Variants in FRMPD2 observed in about 807,000 individuals in gnomAD.
The protein encoded by FRMPD2 is FERM and PDZ domain-containing protein 2.
In FRMPD2, 96 loss-of-function variants were observed where a neutral mutation model predicts 140.1. The ratio of observed to expected loss-of-function variants is 0.69; its 90% CI spans 0.58 to 0.81. The LOEUF is 0.81. Ranked by LOEUF, FRMPD2 falls within the 40% of genes least tolerant of loss-of-function variation. The pLI, the probability that FRMPD2 is intolerant of heterozygous loss-of-function variation, is 0.00. For missense variants in FRMPD2, 1,240 were observed against 1,447.4 expected (o/e 0.86, Z 2.32); for synonymous variants, 449 against 547.6 (o/e 0.82, Z 2.52).
At chr10:48,273,472 A>G (rs1417471588) in intron 1 of FRMPD2, among the ~76,000 whole-genome samples, 4 of 152,114 alleles carry the variant, frequency 2.6e-5, no homozygotes, top group Admixed American at 2.6e-4. Context: ...TTCCCAGAGC[A>G]TGCTTTACTT....
chr10:48,181,849 A>G (rs963568100), intron 20 of FRMPD2, among the ~76,000 whole-genome samples: 2 of 102,336 alleles, frequency 2.0e-5, no homozygotes, highest in African/African-American at 4.2e-5. Flanking sequence ...GAAAGAATAT[A>G]TATTCCCTCA....
chr10:48,177,508 C>T (rs549977300), intron 22 of FRMPD2: 1 of 155,442 alleles, frequency 6.4e-6, no homozygotes, highest in African/African-American at 2.4e-5. Flanking sequence ...TTCCCCAACC[C>T]CTTGGGTAAA....
At chr10:48,200,416 T>A (rs145456470) in intron 15 of FRMPD2, among the ~76,000 whole-genome samples, 1 of 152,326 alleles carries the variant, frequency 6.6e-6, no homozygotes, top group African/African-American at 2.4e-5. Flanking sequence ...ATCTTTCATT[T>A]GAATAAATGA....
At chr10:48,227,024 G>A (rs138437541) in intron 10 of FRMPD2, among the ~76,000 whole-genome samples, 1 of 152,288 alleles carries the variant, frequency 6.6e-6, no homozygotes, top group Non-Finnish European at 1.5e-5. Flanking sequence ...CCTGACAAAA[G>A]CCTGCAAAAG....
chr10:48,231,203 C>T (rs1445758572), intron 10 of FRMPD2, among the ~76,000 whole-genome samples: 2 of 152,210 alleles, frequency 1.3e-5, no homozygotes, highest in Non-Finnish European at 2.9e-5. Context: ...GAAATGTAAA[C>T]ATTATCAATA....
Position 48,196,509 on chromosome 10 carries a change from G to A in FRMPD2, c.1955-3615C>T, listed in dbSNP as rs11101255. Among the ~76,000 whole-genome samples, 21 of 152,316 alleles carry A rather than the reference G, an allele frequency of 1.4e-4. No individual in the cohort carries two copies. In the East Asian group the frequency reaches 4.1e-3, roughly 29 times the overall value. ...TCTCTGTCTGTTTTTGGTGACAAGTGGGGTGGGAAGAGAGGGTGCAGGCCC... is the reference window on the plus strand; with the variant it reads ...TCTCTGTCTGTTTTTGGTGACAAGTAGGGTGGGAAGAGAGGGTGCAGGCCC... On this transcript the variant is annotated intron_variant, in intron 15 of 28. Coordinates refer to ENST00000374201, the MANE Select transcript of FRMPD2 (RefSeq NM_001018071.4).
intron 1 of FRMPD2, among the ~76,000 whole-genome samples, chr10:48,261,357 C>A (rs1364610532): frequency 4.7e-5 from 7 of 150,292 alleles, no homozygotes; most frequent in African/African-American, 1.7e-4. Context: ...GTTAAAAAAG[C>A]AAAAATAATG....
At chr10:48,174,538 G>A (rs1202328839) in intron 24 of FRMPD2, among the ~76,000 whole-genome samples, 1 of 151,842 alleles carries the variant, frequency 6.6e-6, no homozygotes, top group Non-Finnish European at 1.5e-5. Context: ...CGGGGCTGGG[G>A]CAGCCAGAGC....
intron 12 of FRMPD2, among the ~76,000 whole-genome samples, chr10:48,221,159 A>G (rs1054846058): frequency 1.3e-5 from 2 of 152,202 alleles, no homozygotes; most frequent in African/African-American, 2.4e-5. Flanking sequence ...TAGCAGCACA[A>G]TTCCCAATTG....
intron 16 of FRMPD2, 131 bp downstream of exon 16, chr10:48,192,553 C>CT: frequency 1.3e-6 from 1 of 799,278 alleles, no homozygotes; most frequent in Non-Finnish European, 2.0e-6. Flanking sequence ...CGCCACTGCA[C>CT]TCCTCCAGCC....
At chr10:48,247,908 C>T (rs114172524) in intron 3 of FRMPD2, among the ~76,000 whole-genome samples, 2,119 of 152,246 alleles carry the variant, frequency 0.014, 51 homozygotes, top group African/African-American at 0.046. Context: ...GGTATGTGGG[C>T]CTGGATGCCA....
intron 23 of FRMPD2, chr10:48,175,290 C>T (rs1838378769): frequency 1.6e-6 from 1 of 608,924 alleles, no homozygotes; most frequent in East Asian, 4.4e-5. Flanking sequence ...ATATTTATAT[C>T]TCCAGCATGT....
At chr10:48,183,665 A>G (rs773481167) in intron 20 of FRMPD2, among the ~76,000 whole-genome samples, 86 of 152,070 alleles carry the variant, frequency 5.7e-4, no homozygotes, top group Non-Finnish European at 1.1e-3. Flanking sequence ...AGCCTGGCCA[A>G]CATATTGAAA....
At chr10:48,216,129 G>T (rs1839441601) in intron 12 of FRMPD2, among the ~76,000 whole-genome samples, 1 of 152,080 alleles carries the variant, frequency 6.6e-6, no homozygotes, top group Non-Finnish European at 1.5e-5. Flanking sequence ...GGCCCTCCCG[G>T]GTTTACAGCC....
chr10:48,265,755 A>T lies in FRMPD2; in HGVS notation c.25+8788T>A, dbSNP rs549975970. Among the ~76,000 whole-genome samples the T allele has an allele frequency of 3.3e-5, 5 of 152,344 alleles. No individual in the cohort carries two copies. The East Asian group carries it at 9.6e-4, about 29-fold the overall frequency. ...GTTGCAGAGAAAAGGGAATATTAAT[A>T]CATTGTTGGTGGGAGTGTAAATTAG... On this transcript the variant is annotated intron_variant, in intron 1 of 28. Transcript: ENST00000374201.
intron 15 of FRMPD2, among the ~76,000 whole-genome samples, chr10:48,200,630 A>T (rs1839063404): frequency 1.3e-5 from 2 of 152,188 alleles, no homozygotes; most frequent in African/African-American, 4.8e-5. Flanking sequence ...CCCACACTGA[A>T]CAATGCAGGT....
At chr10:48,187,394 T>A in intron 16 of FRMPD2, 102 bp from the exon 17 acceptor site, 1 of 913,098 alleles carries the variant, frequency 1.1e-6, no homozygotes, top group South Asian at 1.5e-5. Flanking sequence ...CATTTCTGAG[T>A]ATGGATGATG....
Position 48,192,796 on chromosome 10 carries a change from C to T in FRMPD2, c.2053G>A (p.Glu685Lys), listed in dbSNP as rs758390268. ...CCCTGAAGCCTGGATACAAACAACT[C>T]GTTTTCTGAGCATGACAATCTCTGA... ...WIQRLSCSEN[E>K]LFVSRLQGAA... Residue 685 changes from glutamate (E) to lysine (K), a missense_variant, in exon 16 of 29, where the codon GAG becomes AAG. Physicochemically the swap from Glu to Lys is moderately conservative, Grantham distance 56 (BLOSUM62 1). Coordinates refer to ENST00000374201, the MANE Select transcript of FRMPD2 (RefSeq NM_001018071.4). 3.7e-5 allele frequency: 60 copies of T among 1,613,936 alleles called. No individual in the cohort carries two copies. The highest frequency in any genetic ancestry group is 4.5e-5 in the East Asian group (2 of 44,888).
At chr10:48,255,150 T>C (rs1440967036) in intron 1 of FRMPD2, among the ~76,000 whole-genome samples, 1 of 152,182 alleles carries the variant, frequency 6.6e-6, no homozygotes, top group Non-Finnish European at 1.5e-5. Flanking sequence ...CTACATAGAC[T>C]GACCCTCTAT....
Sources: allele counts gnomAD v4.1 joint callset (sites outside exome capture counted in the v4.1 genomes callset), GRCh38; gene constraint gnomAD v4.1.1; transcripts MANE v1.5; gene names NCBI Gene and HGNC (gene_info 2026-07-23, HGNC 2026-07-21).